The following RSF1 variants were observed in gnomAD, a reference collection of about 807,000 sequenced individuals.
The protein encoded by RSF1 is HBV pX-associated protein 8.
A neutral mutation model predicts 145.2 loss-of-function variants in RSF1; 13 were observed. That is an observed-to-expected ratio of 0.09 (90% confidence interval 0.06 to 0.14). The LOEUF is 0.14. Ranked by LOEUF, RSF1 falls within the 10% of genes least tolerant of loss-of-function variation. The pLI, the probability that RSF1 is intolerant of heterozygous loss-of-function variation, is 1.00. For missense variants in RSF1, 1,517 were observed against 1,718.2 expected (o/e 0.88, Z 2.07); for synonymous variants, 577 against 592.6 (o/e 0.97, Z 0.38).
At chr11:77,762,452 T>C (rs1948185650) in intron 2 of RSF1, 1 of 152,240 alleles carries the variant, frequency 6.6e-6, no homozygotes, top group Admixed American at 6.5e-5. Context: ...GGTCTCCTTA[T>C]TGCTCAGTTG....
At chr11:77,718,630 C>G (rs1960872806) in intron 5 of RSF1, among the ~76,000 whole-genome samples, 1 of 152,154 alleles carries the variant, frequency 6.6e-6, no homozygotes, top group South Asian at 2.1e-4. Flanking sequence ...GGGACTTTAA[C>G]ATTACAGGAA....
rs1554991305 is a variant in RSF1 at position 77,738,157 on chromosome 11, T to TAATTAAAA, written c.578+2573_578+2574insTTTTAATT. On this transcript the variant is annotated intron_variant, in intron 4 of 15. Transcript: ENST00000308488. ...AAACAAAAAACAAAAGAAAAGCGAA[T>TAATTAAAA]AGTTAAAAAGGTGGAAATAAAAAGA... Among the ~76,000 whole-genome samples, 1,256 of 151,962 alleles carry TAATTAAAA rather than the reference T, an allele frequency of 8.3e-3. 12 individuals carry two copies. The highest frequency in any genetic ancestry group is 0.027 in the African/African-American group (1,117 of 41,418).
At chr11:77,725,053 T>C (rs1240072948) in intron 5 of RSF1, among the ~76,000 whole-genome samples, 1 of 152,148 alleles carries the variant, frequency 6.6e-6, no homozygotes, top group Non-Finnish European at 1.5e-5. Context: ...GATAGCAGAA[T>C]GAGAGATGCC....
At chr11:77,766,248 T>C (rs1490224846) in intron 1 of RSF1, among the ~76,000 whole-genome samples, 2 of 152,210 alleles carry the variant, frequency 1.3e-5, no homozygotes, top group African/African-American at 4.8e-5. Flanking sequence ...TGCAGCGTTC[T>C]CTAACATATT....
chr11:77,697,502 A>G (rs1960309287), intron 7 of RSF1, among the ~76,000 whole-genome samples: 1 of 17,514 alleles, frequency 5.7e-5, no homozygotes, highest in Admixed American at 5.3e-4. Context: ...ATATAAATAT[A>G]TTATATAAAA....
At chr11:77,859,257 G>A in the RSF1 span, among the ~76,000 whole-genome samples, 10 of 152,340 alleles carry the variant, frequency 6.6e-5, no homozygotes, top group East Asian at 1.7e-3. Flanking sequence ...AAGCATTTCT[G>A]ATGGAGGGTC....
rs905088691 is a variant in RSF1, at chr11:77,701,925, C to A, written c.1304G>T (p.Gly435Val). Residue 435 changes from glycine (G) to valine (V), a missense_variant, in exon 6 of 16, where the codon GGT (glycine) becomes GTT (valine). Around this residue, in one of 12 missense-constraint regions of RSF1, gnomAD observed 579 missense variants for 553.5 expected, o/e 1.05. Transcript: ENST00000308488. The stretch of plus-strand genomic sequence containing the variant: ...ATTTACCAGCTGTTTCCCTTCATGA[C>A]CCAAAGCAGTGATTGTAGAGATCCT... ...CKRISTITAL[G>V]HEGKQLVNGE... 2 of 1,613,706 alleles carry A rather than the reference C, an allele frequency of 1.2e-6. No homozygotes were observed. Among genetic ancestry groups the A allele is most frequent in the Non-Finnish European group, 1.7e-6 (2 of 1,179,898 alleles).
intron 9 of RSF1, among the ~76,000 whole-genome samples, chr11:77,689,370 T>C (rs898978413): frequency 1.3e-5 from 2 of 152,218 alleles, no homozygotes; most frequent in Non-Finnish European, 2.9e-5. Context: ...GGAAAGCTAT[T>C]CACAATTTGG....
chr11:77,842,196 A>C, the RSF1 span, among the ~76,000 whole-genome samples: 1 of 152,190 alleles, frequency 6.6e-6, no homozygotes, highest in East Asian at 1.9e-4. Context: ...TCACTCCATC[A>C]TGCTGAAGTA....
chr11:77,706,437 T>C (rs1049400173), intron 5 of RSF1, among the ~76,000 whole-genome samples: 1 of 152,066 alleles, frequency 6.6e-6, no homozygotes, highest in Non-Finnish European at 1.5e-5. Flanking sequence ...GATTTTTTTT[T>C]CTTTTTATCT....
At chr11:77,777,005 AT>A (rs771714922) in intron 1 of RSF1, among the ~76,000 whole-genome samples, 4 of 152,330 alleles carry the variant, frequency 2.6e-5, no homozygotes, top group Non-Finnish European at 2.9e-5. Context: ...ACACTAAACC[AT>A]TTTTTAAAAA....
rs1231676502 is a variant in RSF1, at chr11:77,692,370, A to G, written c.2821-1132T>C. Among the ~76,000 whole-genome samples the G allele has an allele frequency of 6.2e-4, 71 of 114,574 alleles. 6 individuals are homozygous for G. In the South Asian group the frequency reaches 0.018, roughly 29 times the overall value. The allele number at this position is 114,574 out of a possible 152,430, so 75.2% of individuals were successfully genotyped here. Reference sequence around the variant, plus strand: ...CGCCATTCTCCTGCCTCAGCCTCCCAAGTAGCTGGGACTACAGGCGCCCGC... The same window carrying G: ...CGCCATTCTCCTGCCTCAGCCTCCCGAGTAGCTGGGACTACAGGCGCCCGC... On this transcript the variant is annotated intron_variant, in intron 8 of 15. Coordinates refer to ENST00000308488, the MANE Select transcript of RSF1 (RefSeq NM_016578.4).
intron 1 of RSF1, among the ~76,000 whole-genome samples, chr11:77,787,150 G>A (rs1948465045): frequency 6.6e-6 from 1 of 152,130 alleles, no homozygotes; most frequent in African/African-American, 2.4e-5. Flanking sequence ...CCAAGGTCAG[G>A]GATAGAACTG....
At chr11:77,726,303 T>C (rs1961052260) in intron 4 of RSF1, among the ~76,000 whole-genome samples, 1 of 152,138 alleles carries the variant, frequency 6.6e-6, no homozygotes, top group Non-Finnish European at 1.5e-5. Flanking sequence ...GTCTAACCTA[T>C]AAATTCTACT....
At chr11:77,724,572 T>C (rs992442242) in intron 5 of RSF1, among the ~76,000 whole-genome samples, 1 of 152,230 alleles carries the variant, frequency 6.6e-6, no homozygotes, top group South Asian at 2.1e-4. Context: ...AATTCTGACA[T>C]ACACTACAAC....
At chr11:77,717,187 A>C (rs1017473213) in intron 5 of RSF1, among the ~76,000 whole-genome samples, 1 of 151,752 alleles carries the variant, frequency 6.6e-6, no homozygotes, top group Non-Finnish European at 1.5e-5. Flanking sequence ...AAACCAAAAA[A>C]AAAAAAAAAC....
chr11:77,801,376 T>C lies in RSF1; in HGVS notation c.187+19152A>G, dbSNP rs191902014. On this transcript the variant is annotated intron_variant, in intron 1 of 15. Transcript: ENST00000308488. ...CCAGGAGGCGGAGGCTGCAATAAGC[T>C]GAGAGCTTGCCACTGCACTCCAGCC... Among the ~76,000 whole-genome samples the C allele has an allele frequency of 4.6e-5, 7 of 152,268 alleles. No individual in the cohort carries two copies. In the East Asian group the frequency reaches 5.8e-4, roughly 13 times the overall value.
the RSF1 span, among the ~76,000 whole-genome samples, chr11:77,858,256 G>C: frequency 7.2e-6 from 1 of 139,854 alleles, no homozygotes; most frequent in Non-Finnish European, 1.5e-5. Context: ...GTGCAGTTGT[G>C]CAATCTCGGC....
rs112964627 is a variant in RSF1 at position 77,676,105 on chromosome 11, T to C, written c.3341+687A>G. Among the ~76,000 whole-genome samples the C allele has an allele frequency of 6.6e-5, 10 of 152,338 alleles. 1 individual carries two copies. The highest frequency in any genetic ancestry group is 2.2e-4 in the African/African-American group (9 of 41,574). ...GGACATGTGACTTCTATGCTTAGAA[T>C]ACCTTTTTCTTATCCTGCTTTTAGT... On this transcript the variant is annotated intron_variant, in intron 13 of 15. Coordinates refer to ENST00000308488, the MANE Select transcript of RSF1 (RefSeq NM_016578.4).
Sources: allele counts gnomAD v4.1 joint callset (sites outside exome capture counted in the v4.1 genomes callset), GRCh38; gene constraint gnomAD v4.1.1; regional missense constraint gnomAD v4.1.1; transcripts MANE v1.5; gene names NCBI Gene and HGNC (gene_info 2026-07-23, HGNC 2026-07-21).